CTNNA3: variants seen among roughly 807,000 people sequenced by gnomAD.
CTNNA3 encodes the protein catenin alpha 3.
Under a neutral mutation model 95.7 loss-of-function variants are expected in CTNNA3, and 76 were observed. The observed-to-expected ratio is 0.79, with a 90% CI of 0.66 to 0.96. The LOEUF is 0.96. Among genes scored for constraint, CTNNA3 ranks in the 40% least tolerant of loss-of-function variants. CTNNA3 has a pLI of 0.00. For synonymous variants in CTNNA3, 431 were observed against 374.4 expected, an observed-to-expected ratio of 1.15 and a Z score of -1.74; for missense variants, 1,191 against 1,089.8, an observed-to-expected ratio of 1.09 and a Z score of -1.31.
Position 66,263,589 on chromosome 10 carries a change from T to C in CTNNA3, c.1884+16881A>G, listed in dbSNP as rs148401278. Among the ~76,000 whole-genome samples the C allele has an allele frequency of 5.6e-4, 85 of 152,118 alleles. 1 individual carries two copies. In the East Asian group the frequency reaches 0.015, roughly 27 times the overall value. The stretch of plus-strand genomic sequence containing the variant: ...ACCCAAAGAGAAAGGAGAGAACAGC[T>C]TAACCTCTCTAAACACTGCACATTT... On this transcript the variant is annotated intron_variant, in intron 13 of 17. Coordinates refer to ENST00000433211, the MANE Select transcript of CTNNA3 (RefSeq NM_013266.4).
intron 13 of CTNNA3, among the ~76,000 whole-genome samples, chr10:66,108,837 G>T (rs2082007090): frequency 6.6e-6 from 1 of 152,108 alleles, no homozygotes; most frequent in Non-Finnish European, 1.5e-5. Context: ...TTGAGCTGTG[G>T]AGAATGTATA....
intron 3 of CTNNA3, among the ~76,000 whole-genome samples, chr10:67,588,440 G>A (rs1159225358): frequency 6.6e-6 from 1 of 152,028 alleles, no homozygotes; most frequent in Non-Finnish European, 1.5e-5. Flanking sequence ...CAGTAGTGAA[G>A]TATGACTTCT....
intron 9 of CTNNA3, among the ~76,000 whole-genome samples, chr10:66,700,964 C>T (rs1193439183): frequency 6.6e-6 from 1 of 152,024 alleles, no homozygotes; most frequent in African/African-American, 2.4e-5. Flanking sequence ...TCATACTTTC[C>T]TACTATTTTT....
At chr10:67,584,380 G>A (rs1326684257) in intron 3 of CTNNA3, among the ~76,000 whole-genome samples, 1 of 152,186 alleles carries the variant, frequency 6.6e-6, no homozygotes. Flanking sequence ...CTACAGAGCA[G>A]CAAATATGGC....
intron 7 of CTNNA3, among the ~76,000 whole-genome samples, chr10:66,982,811 G>C (rs1179516017): frequency 6.6e-6 from 1 of 152,124 alleles, no homozygotes; most frequent in Admixed American, 6.6e-5. Context: ...TGCCTTTCCA[G>C]TAAGATATTA....
intron 7 of CTNNA3, among the ~76,000 whole-genome samples, chr10:67,063,426 A>C (rs1052487318): frequency 3.3e-5 from 5 of 152,208 alleles, no homozygotes; most frequent in African/African-American, 1.2e-4. Context: ...AGTTAAATTC[A>C]TTAAAGAAAA....
chr10:66,187,829 A>G (rs1051582953), intron 13 of CTNNA3, among the ~76,000 whole-genome samples: 11 of 152,172 alleles, frequency 7.2e-5, no homozygotes, highest in Admixed American at 1.3e-4. Flanking sequence ...TATATTATTT[A>G]AGATGTCTAG....
intron 5 of CTNNA3, among the ~76,000 whole-genome samples, chr10:67,508,966 T>A (rs1839516618): frequency 6.6e-6 from 1 of 151,852 alleles, no homozygotes; most frequent in Non-Finnish European, 1.5e-5. Flanking sequence ...AACCTCCGCC[T>A]CCTGGGTTCA....
At chr10:66,444,907 G>T (rs1487397897) in intron 11 of CTNNA3, among the ~76,000 whole-genome samples, 1 of 152,078 alleles carries the variant, frequency 6.6e-6, no homozygotes, top group African/African-American at 2.4e-5. Context: ...AGACCCATCA[G>T]TGTGCTGTAT....
At chr10:67,000,399 A>G (rs763618341) in intron 7 of CTNNA3, among the ~76,000 whole-genome samples, 8 of 152,200 alleles carry the variant, frequency 5.3e-5, no homozygotes, top group Admixed American at 1.3e-4. Flanking sequence ...GGTTAAATGC[A>G]GGAGAAATGA....
In CTNNA3 at chr10:66,319,835, G is replaced by GTT. The variant is rs1589080942; in HGVS notation, c.1733-39215_1733-39214insAA. ...TACTCCCACTCTTCAAAGGAAGAGA[G>GTT]TATTTATTTGTGAGACTAAGAAAGG... is the stretch of plus-strand genomic sequence containing the variant. On this transcript the variant is annotated intron_variant, in intron 12 of 17. Transcript: ENST00000433211. 3.9e-5 allele frequency among the ~76,000 whole-genome samples: 6 copies of GTT among 152,242 alleles called. No homozygotes were observed. In the South Asian group the frequency reaches 1.2e-3, roughly 32 times the overall value.
chr10:66,222,584 AAG>A (rs2088998681), intron 13 of CTNNA3, among the ~76,000 whole-genome samples: 1 of 146,284 alleles, frequency 6.8e-6, no homozygotes, highest in Non-Finnish European at 1.5e-5. Context: ...GAAAGAAGGA[AAG>A]AAAAAGAAAG....
intron 7 of CTNNA3, among the ~76,000 whole-genome samples, chr10:66,872,110 T>G (rs1260327869): frequency 6.6e-6 from 1 of 152,206 alleles, no homozygotes; most frequent in African/African-American, 2.4e-5. Flanking sequence ...TCTATCCACC[T>G]GGGAACTAAA....
At chr10:66,154,989 A>G (rs1269695052) in intron 13 of CTNNA3, among the ~76,000 whole-genome samples, 1 of 151,584 alleles carries the variant, frequency 6.6e-6, no homozygotes, top group Non-Finnish European at 1.5e-5. Context: ...AATATTTTCC[A>G]CAACAACTCA....
intron 10 of CTNNA3, among the ~76,000 whole-genome samples, chr10:66,601,584 T>C (rs74143432): frequency 0.02 from 3,092 of 151,982 alleles, 86 homozygotes; most frequent in African/African-American, 0.064. Flanking sequence ...CTGCACACTG[T>C]CTGTTATACT....
At chr10:67,548,053 G>A (rs1840900530) in intron 3 of CTNNA3, among the ~76,000 whole-genome samples, 1 of 152,132 alleles carries the variant, frequency 6.6e-6, no homozygotes, top group Admixed American at 6.5e-5. Flanking sequence ...AGTGTTGGAG[G>A]TGGGACCCAG....
intron 10 of CTNNA3, among the ~76,000 whole-genome samples, chr10:66,560,868 T>A (rs957809632): frequency 1.3e-5 from 2 of 152,102 alleles, no homozygotes; most frequent in Non-Finnish European, 2.9e-5. Flanking sequence ...TCTCTCTGAC[T>A]CTCTTTTCTC....
At chr10:66,367,871 AATAATAATAATTATTATTATT>A (rs1269101397) in intron 12 of CTNNA3, among the ~76,000 whole-genome samples, 2,867 of 58,408 alleles carry the variant, frequency 0.049, 38 homozygotes, top group South Asian at 0.091. Context: ...TAATAATAAT[AATAATAATAATTATTATTATT>A]ATTATTATTA....
chr10:66,761,026 A>G (rs1256663751), intron 9 of CTNNA3, among the ~76,000 whole-genome samples: 2 of 152,166 alleles, frequency 1.3e-5, no homozygotes, highest in Non-Finnish European at 2.9e-5. Flanking sequence ...AGGGGACTGG[A>G]AAAGCTGTAT....
Sources: allele counts gnomAD v4.1 joint callset (sites outside exome capture counted in the v4.1 genomes callset), GRCh38; gene constraint gnomAD v4.1.1; transcripts MANE v1.5; gene names NCBI Gene and HGNC (gene_info 2026-07-23, HGNC 2026-07-21).